TGFBR3: variants seen among roughly 807,000 people sequenced by gnomAD.
TGFBR3 encodes the protein transforming growth factor beta receptor type 3.
Under a neutral mutation model 87.9 loss-of-function variants are expected in TGFBR3, and 46 were observed. That is an observed-to-expected ratio of 0.52 (90% CI 0.41 to 0.67). The LOEUF (loss-of-function observed/expected upper bound fraction) is 0.67. Ranked by LOEUF, TGFBR3 falls within the 30% of genes least tolerant of loss-of-function variation. The probability of loss-of-function intolerance (pLI) is 0.00; values close to 1 mark genes in which losing one functional copy is unlikely to be tolerated. For synonymous variants in TGFBR3, 381 were observed against 391.6 expected (o/e 0.97, Z 0.32); for missense variants, 866 against 1,041.9 (o/e 0.83, Z 2.32).
Position 91,713,187 on chromosome 1 carries a change from T to C in TGFBR3, c.1867-645A>G, listed in dbSNP as rs1365467661. On this transcript the variant is annotated intron_variant, in intron 12 of 16. Transcript: ENST00000212355. ...GATCCAAATCAGCCTTGCCAAGTACTCCCCCTTCGCTCCATAAGCCCAGGG... is the reference window on the plus strand; with the variant it reads ...GATCCAAATCAGCCTTGCCAAGTACCCCCCCTTCGCTCCATAAGCCCAGGG... 2.0e-5 allele frequency among the ~76,000 whole-genome samples: 3 copies of C among 152,216 alleles called. No individual in the cohort carries two copies. The East Asian group carries it at 5.8e-4, about 29-fold the overall frequency.
chr1:91,807,712 G>A (rs1370211632), intron 2 of TGFBR3, among the ~76,000 whole-genome samples: 1 of 152,176 alleles, frequency 6.6e-6, no homozygotes, highest in Non-Finnish European at 1.5e-5. Context: ...AAGTGGTGCT[G>A]TTATGTTTCA....
chr1:91,752,465 T>A (rs559888590), intron 4 of TGFBR3, among the ~76,000 whole-genome samples: 1 of 152,244 alleles, frequency 6.6e-6, no homozygotes, highest in African/African-American at 2.4e-5. Flanking sequence ...CACAGTAATA[T>A]CGAGAGTGAA....
intron 3 of TGFBR3, among the ~76,000 whole-genome samples, chr1:91,773,392 T>C (rs1296711244): frequency 3.3e-5 from 5 of 151,584 alleles, no homozygotes; most frequent in African/African-American, 9.7e-5. Flanking sequence ...TCAGGACAGA[T>C]CTCTAGGCCA....
intron 2 of TGFBR3, among the ~76,000 whole-genome samples, chr1:91,809,237 T>G (rs1037840828): frequency 3.9e-5 from 6 of 152,190 alleles, no homozygotes; most frequent in South Asian, 2.1e-4. Context: ...GATCACTAAT[T>G]TTCTCTTTTT....
intron 14 of TGFBR3, among the ~76,000 whole-genome samples, chr1:91,704,847 T>A (rs1671742167): frequency 6.6e-6 from 1 of 152,204 alleles, no homozygotes; most frequent in African/African-American, 2.4e-5. Flanking sequence ...ATTTTTATAG[T>A]CTTGATTGCC....
At chr1:91,722,337 G>GT (rs902710385) in intron 7 of TGFBR3, among the ~76,000 whole-genome samples, 193 bp from the exon 8 acceptor site, 35 of 152,116 alleles carry the variant, frequency 2.3e-4, no homozygotes, top group African/African-American at 8.4e-4. Context: ...AGACATCTAC[G>GT]TATGCTGCTT....
chr1:91,806,716 G>A lies in TGFBR3; in HGVS notation c.62-9245C>T, dbSNP rs576549906. ...ATTAAGGGGTAACATTATAGGCTGG[G>A]ACCAAGACATCGCAGTGGGGAGATT... On this transcript the variant is annotated intron_variant, in intron 2 of 16. Coordinates refer to ENST00000212355, the MANE Select transcript of TGFBR3 (RefSeq NM_003243.5). 2.0e-5 allele frequency among the ~76,000 whole-genome samples: 3 copies of A among 152,288 alleles called. No homozygotes were observed. In the East Asian group the frequency reaches 5.8e-4, roughly 29 times the overall value.
chr1:91,762,044 G>T (rs1673983825), intron 3 of TGFBR3, among the ~76,000 whole-genome samples: 1 of 152,182 alleles, frequency 6.6e-6, no homozygotes, highest in Non-Finnish European at 1.5e-5. Flanking sequence ...TAAAAATACA[G>T]GTTAACAGCT....
At chr1:91,749,687 G>A (rs1490115016) in intron 4 of TGFBR3, among the ~76,000 whole-genome samples, 1 of 152,120 alleles carries the variant, frequency 6.6e-6, no homozygotes, top group Non-Finnish European at 1.5e-5. Context: ...CACCTGTGGA[G>A]AACCCTTACC....
At chr1:91,857,707 G>A (rs1571578635) in intron 2 of TGFBR3, among the ~76,000 whole-genome samples, 1 of 152,192 alleles carries the variant, frequency 6.6e-6, no homozygotes, top group East Asian at 1.9e-4. Context: ...GAGAGGCTGA[G>A]GTGGGAGGAT....
rs2100681060 is a variant in TGFBR3, at chr1:91,683,594, A to G, written c.*145T>C. The G allele has an allele frequency of 1.4e-6, 1 of 724,018 alleles. No individual in the cohort carries two copies. The allele number at this position is 724,018 out of a possible 1,614,324, so 44.8% of individuals were successfully genotyped here. On this transcript the variant is annotated 3_prime_UTR_variant, in exon 17 of 17. Transcript: ENST00000212355. ...GGGGTGAATACAACGGGTGATCTTT[A>G]TACTGAAATTCACTCTGTCTTTACA... is the stretch of plus-strand genomic sequence containing the variant.
At chr1:91,794,264 C>T (rs1000346023) in intron 3 of TGFBR3, among the ~76,000 whole-genome samples, 6 of 151,840 alleles carry the variant, frequency 4.0e-5, no homozygotes, top group African/African-American at 7.3e-5. Context: ...AGTGCAGCAG[C>T]GCAATCTTGG....
intron 7 of TGFBR3, among the ~76,000 whole-genome samples, chr1:91,726,357 C>A (rs2100799689): frequency 6.6e-6 from 1 of 152,212 alleles, no homozygotes; most frequent in East Asian, 1.9e-4. Context: ...GGCCGGTGTG[C>A]CAGGCAGCAA....
intron 2 of TGFBR3, among the ~76,000 whole-genome samples, chr1:91,850,330 G>A (rs529775837): frequency 1.4e-3 from 216 of 152,212 alleles, no homozygotes; most frequent in African/African-American, 2.0e-3. Flanking sequence ...AGATAAGGGC[G>A]GGCAGGAGCT....
chr1:91,701,411 A>G (rs747008740), intron 14 of TGFBR3, among the ~76,000 whole-genome samples: 3 of 152,180 alleles, frequency 2.0e-5, no homozygotes, highest in Admixed American at 6.5e-5. Context: ...TGAGAGGAAA[A>G]GAGTGGACTC....
At chr1:91,877,017 C>T (rs1000797938) in intron 1 of TGFBR3, among the ~76,000 whole-genome samples, 1 of 152,126 alleles carries the variant, frequency 6.6e-6, no homozygotes, top group African/African-American at 2.4e-5. Context: ...ACAGGATCTT[C>T]AGGGTTATAA....
At chr1:91,750,684 A>T (rs760899937) in intron 4 of TGFBR3, among the ~76,000 whole-genome samples, 5 of 152,182 alleles carry the variant, frequency 3.3e-5, no homozygotes, top group Admixed American at 6.5e-5. Flanking sequence ...ATCTCCCTTC[A>T]AGAGAGAATT....
At chr1:91,883,405 C>G (rs892582587) in intron 1 of TGFBR3, among the ~76,000 whole-genome samples, 1 of 152,142 alleles carries the variant, frequency 6.6e-6, no homozygotes, top group African/African-American at 2.4e-5. Flanking sequence ...ACATACAGGC[C>G]CTGTCCTCAA....
intron 2 of TGFBR3, among the ~76,000 whole-genome samples, chr1:91,891,840 G>C (rs972931312): frequency 1.3e-5 from 2 of 152,064 alleles, no homozygotes; most frequent in African/African-American, 4.8e-5. Context: ...ATACTCGTTG[G>C]TGTTTTATTT....
Sources: allele counts gnomAD v4.1 joint callset (sites outside exome capture counted in the v4.1 genomes callset), GRCh38; gene constraint gnomAD v4.1.1; transcripts MANE v1.5; gene names NCBI Gene and HGNC (gene_info 2026-07-23, HGNC 2026-07-21).